FBXL17: variants seen among roughly 807,000 people sequenced by gnomAD.
FBXL17 encodes the protein F-box/LRR-repeat protein 17.
FBXL17 carries 22 observed loss-of-function variants against 66.2 expected under a neutral mutation model. The observed-to-expected ratio is 0.33, with a 90% CI of 0.24 to 0.47. The LOEUF (loss-of-function observed/expected upper bound fraction) is 0.47. Ranked by LOEUF, FBXL17 falls within the 20% of genes least tolerant of loss-of-function variation. The pLI, the probability that FBXL17 is intolerant of heterozygous loss-of-function variation, is 1.00. For synonymous variants in FBXL17, 474 were observed against 400.5 expected (o/e 1.18, Z -2.19); for missense variants, 878 against 948.2 (o/e 0.93, Z 0.97).
intron 4 of FBXL17, among the ~76,000 whole-genome samples, chr5:108,305,502 T>G (rs1180723965): frequency 1.3e-5 from 2 of 150,600 alleles, no homozygotes; most frequent in Non-Finnish European, 3.0e-5. Context: ...AAAAAAGAAG[T>G]GAGGATTGCT....
At chr5:108,165,025 G>A (rs77105874) in intron 6 of FBXL17, among the ~76,000 whole-genome samples, 2,018 of 152,188 alleles carry the variant, frequency 0.013, 42 homozygotes, top group African/African-American at 0.044. Flanking sequence ...ATCGAAATTC[G>A]ATTTCATGAA....
intron 4 of FBXL17, among the ~76,000 whole-genome samples, chr5:108,253,084 C>T (rs1756426737): frequency 6.6e-6 from 1 of 152,128 alleles, no homozygotes; most frequent in Non-Finnish European, 1.5e-5. Context: ...ATCAATAAAG[C>T]ATTCTCAAAA....
chr5:108,279,603 T>C (rs1257350449), intron 4 of FBXL17, among the ~76,000 whole-genome samples: 2 of 150,498 alleles, frequency 1.3e-5, no homozygotes, highest in Non-Finnish European at 3.0e-5. Flanking sequence ...AATAATTCTC[T>C]ACCAATAGAT....
intron 6 of FBXL17, among the ~76,000 whole-genome samples, chr5:108,120,867 C>G (rs1750464502): frequency 6.6e-6 from 1 of 152,058 alleles, no homozygotes; most frequent in Non-Finnish European, 1.5e-5. Flanking sequence ...TGGAAGCACT[C>G]AAATACTGAT....
intron 7 of FBXL17, among the ~76,000 whole-genome samples, chr5:107,928,373 A>C (rs1168249029): frequency 6.6e-6 from 1 of 151,708 alleles, no homozygotes; most frequent in Non-Finnish European, 1.5e-5. Context: ...TACTTAAGAG[A>C]GTTTGGCTCT....
chr5:107,926,679 C>T (rs962794396), intron 7 of FBXL17, among the ~76,000 whole-genome samples: 4 of 151,516 alleles, frequency 2.6e-5, no homozygotes, highest in Admixed American at 2.0e-4. Flanking sequence ...TAAATGCTTC[C>T]TTTTTTTCAT....
intron 4 of FBXL17, among the ~76,000 whole-genome samples, chr5:108,256,637 G>C (rs1000590962): frequency 2.0e-5 from 3 of 151,964 alleles, no homozygotes; most frequent in South Asian, 2.1e-4. Flanking sequence ...GGATGAAGCT[G>C]TATTTTCTCC....
At chr5:108,244,854 GT>G (rs1756021835) in intron 4 of FBXL17, among the ~76,000 whole-genome samples, 1 of 152,094 alleles carries the variant, frequency 6.6e-6, no homozygotes. Flanking sequence ...AGGTTTACCT[GT>G]ATTTTGCAAT....
chr5:108,185,525 T>C (rs980584405), intron 6 of FBXL17, among the ~76,000 whole-genome samples: 6 of 152,188 alleles, frequency 3.9e-5, no homozygotes, highest in Non-Finnish European at 2.9e-5. Flanking sequence ...CTCTTGTCTT[T>C]ATAAATTACC....
intron 7 of FBXL17, among the ~76,000 whole-genome samples, chr5:108,003,573 T>C (rs1753816986): frequency 6.6e-6 from 1 of 152,108 alleles, no homozygotes; most frequent in Non-Finnish European, 1.5e-5. Context: ...AGTAAAAGTA[T>C]ATCCAAACTG....
intron 3 of FBXL17, among the ~76,000 whole-genome samples, chr5:108,353,540 A>G (rs1561547791): frequency 6.6e-6 from 1 of 152,232 alleles, no homozygotes; most frequent in African/African-American, 2.4e-5. Flanking sequence ...GGAGAAAAGT[A>G]ACCATTTTGA....
In FBXL17 at chr5:108,016,244, G is replaced by A. The variant is rs766882322; in HGVS notation, c.1822+4681C>T. Among the ~76,000 whole-genome samples, 5 of 152,216 alleles carry A rather than the reference G, an allele frequency of 3.3e-5. No individual in the cohort carries two copies. The South Asian group carries it at 1.0e-3, about 32-fold the overall frequency. On this transcript the variant is annotated intron_variant, in intron 7 of 8. Transcript: ENST00000542267. The stretch of plus-strand genomic sequence containing the variant: ...TTAAAAAGTCCCAGATCAGTACTGC[G>A]ATCAAGAATACAGGGCAGCCAAAGA...
At position 108,079,307 on chromosome 5, in the gene FBXL17, G is replaced by A. The variant is rs1045463467; in HGVS notation, c.1746-58306C>T. Among the ~76,000 whole-genome samples the A allele has an allele frequency of 2.6e-5, 4 of 152,208 alleles. No homozygotes were observed. In the East Asian group the frequency reaches 5.8e-4, roughly 22 times the overall value. ...AACTTTTACTGAGTATCTAGACTATGTTGCTGAAAAATAGTTGTGTAATAA... is the reference window on the plus strand; with the variant it reads ...AACTTTTACTGAGTATCTAGACTATATTGCTGAAAAATAGTTGTGTAATAA... On this transcript the variant is annotated intron_variant, in intron 6 of 8. Transcript: ENST00000542267.
chr5:108,184,747 C>CAAAAAAA (rs34512714), intron 6 of FBXL17, among the ~76,000 whole-genome samples: 7 of 82,554 alleles, frequency 8.5e-5, no homozygotes, highest in East Asian at 3.7e-4. Flanking sequence ...GACTCGGTCT[C>CAAAAAAA]AAAAAAAAAA....
chr5:107,916,889 T>C (rs911722909), intron 7 of FBXL17, among the ~76,000 whole-genome samples: 3 of 152,190 alleles, frequency 2.0e-5, no homozygotes, highest in African/African-American at 7.2e-5. Flanking sequence ...TACTCAGAAG[T>C]AGAAACCGTT....
intron 6 of FBXL17, among the ~76,000 whole-genome samples, chr5:108,047,477 C>T (rs560058934): frequency 1.3e-5 from 2 of 152,266 alleles, no homozygotes; most frequent in African/African-American, 2.4e-5. Context: ...TGTTTAAGTC[C>T]TGTGAGCTCC....
intron 4 of FBXL17, among the ~76,000 whole-genome samples, chr5:108,240,477 T>C (rs755298165): frequency 5.9e-5 from 9 of 152,052 alleles, no homozygotes; most frequent in Admixed American, 2.6e-4. Flanking sequence ...CCTCTTCTTA[T>C]GGAAAGGGGT....
In FBXL17 at chr5:107,992,493, A is replaced by G. The variant is rs529793964; in HGVS notation, c.1822+28432T>C. On this transcript the variant is annotated intron_variant, in intron 7 of 8. Transcript: ENST00000542267. ...CCCAATTTCTGTCATTATTTATTTA[A>G]TGTGAAAAACACTGCCATTACTAAG... 1.4e-4 allele frequency among the ~76,000 whole-genome samples: 21 copies of G among 152,306 alleles called. 1 individual carries two copies. In the South Asian group the frequency reaches 4.3e-3, roughly 32 times the overall value.
intron 4 of FBXL17, among the ~76,000 whole-genome samples, chr5:108,232,931 A>C (rs981712338): frequency 2.0e-5 from 3 of 151,088 alleles, no homozygotes; most frequent in Non-Finnish European, 4.4e-5. Context: ...ACCAGTTGAT[A>C]AATACTTGAA....
Sources: gnomAD v4.1 joint callset for allele counts (sites outside exome capture counted in the v4.1 genomes callset) on GRCh38, gnomAD v4.1.1 for gene constraint, MANE v1.5 for transcripts, NCBI Gene and HGNC (gene_info 2026-07-23, HGNC 2026-07-21) for gene names.